Variants in SAP130 observed in about 807,000 individuals in gnomAD.
SAP130 encodes the protein histone deacetylase complex subunit SAP130.
SAP130 carries 16 observed loss-of-function variants against 103.2 expected under a neutral mutation model. The observed-to-expected ratio is 0.16, with a 90% confidence interval of 0.10 to 0.24. SAP130 has a LOEUF of 0.24. Ranked by LOEUF, SAP130 falls within the 10% of genes least tolerant of loss-of-function variation. The pLI is 1.00. For missense variants in SAP130, 990 were observed against 1,359.7 expected, an observed-to-expected ratio of 0.73 and a Z score of 4.28; for synonymous variants, 477 against 497.0, an observed-to-expected ratio of 0.96 and a Z score of 0.53.
chr2:127,964,814 T>C (rs550360709), intron 15 of SAP130, among the ~76,000 whole-genome samples: 1 of 151,692 alleles, frequency 6.6e-6, no homozygotes, highest in Non-Finnish European at 1.5e-5. Flanking sequence ...CTGGCCAACA[T>C]GGTGAAACCC....
chr2:128,023,637 G>A (rs1047679602), intron 2 of SAP130, among the ~76,000 whole-genome samples: 11 of 152,008 alleles, frequency 7.2e-5, no homozygotes, highest in African/African-American at 2.2e-4. Flanking sequence ...AAAATTAGCC[G>A]GGCACGGTGG....
chr2:128,018,462 G>A (rs1183302591), intron 2 of SAP130, among the ~76,000 whole-genome samples: 1 of 139,642 alleles, frequency 7.2e-6, no homozygotes, highest in African/African-American at 2.9e-5. Flanking sequence ...TCTAGCCTGG[G>A]CGAGAGAGGA....
At chr2:127,975,369 C>T (rs1175047893) in intron 15 of SAP130, among the ~76,000 whole-genome samples, 3 of 152,036 alleles carry the variant, frequency 2.0e-5, no homozygotes, top group Non-Finnish European at 4.4e-5. Flanking sequence ...TTGAAGATTT[C>T]AAAATGGCCC....
chr2:128,025,692 A>G (rs1467355693), intron 2 of SAP130, among the ~76,000 whole-genome samples: 1 of 152,192 alleles, frequency 6.6e-6, no homozygotes, highest in Non-Finnish European at 1.5e-5. Context: ...AGGTATAGGT[A>G]ATATGCAAAC....
intron 6 of SAP130, among the ~76,000 whole-genome samples, chr2:128,012,260 A>T (rs1475611522): frequency 6.6e-6 from 1 of 152,184 alleles, no homozygotes; most frequent in Non-Finnish European, 1.5e-5. Context: ...ACTTGAGGTC[A>T]GGAGTTCGAG....
At position 128,017,917 on chromosome 2, in the gene SAP130, TAGTA is replaced by T. The variant is rs751960205; in HGVS notation, c.113-6_113-3del. On this transcript the variant is annotated splice_polypyrimidine_tract_variant and splice_region_variant and intron_variant, in intron 2 of 20. Transcript: ENST00000643581. ...AATCTCGACCAGATTCATCATTGAC[TAGTA>T]AAGACATTAAGAGTGAGACAGTATG... is the stretch of plus-strand genomic sequence containing the variant. The T allele has an allele frequency of 6.2e-7, 1 of 1,611,848 alleles. No homozygotes were observed. The highest frequency in any genetic ancestry group is 8.5e-7 in the Non-Finnish European group (1 of 1,178,068).
At chr2:127,993,385 C>T (rs1359949451) in intron 11 of SAP130, 77 bp from the exon 12 acceptor site, 36 of 1,452,736 alleles carry the variant, frequency 2.5e-5, no homozygotes, top group Non-Finnish European at 3.3e-5. Flanking sequence ...ACCCCAGTTC[C>T]TCTTTGTGTC....
At chr2:128,000,530 A>G in intron 7 of SAP130, 76 bp from the exon 8 acceptor site, 2 of 1,533,210 alleles carry the variant, frequency 1.3e-6, no homozygotes, top group Non-Finnish European at 8.9e-7. Context: ...CATGCAAGTT[A>G]TACTTTTTCA....
At chr2:127,990,607 G>T (rs1682722396) in intron 12 of SAP130, among the ~76,000 whole-genome samples, 1 of 152,092 alleles carries the variant, frequency 6.6e-6, no homozygotes, top group Non-Finnish European at 1.5e-5. Flanking sequence ...GGCATAGTGG[G>T]TCACTCACAC....
chr2:127,955,234 G>A lies in SAP130; in HGVS notation c.2174C>T (p.Thr725Ile). ...AATGGTCGGTGGGGGCTGCTGGGCA[G>A]TTGGAGGGACGGCAATGGTAGGCTG... ...NDQPTIAVPP[T>I]AQQPPPTIPT... Residue 725 changes from threonine (T) to isoleucine (I), a missense_variant, in exon 16 of 21, where the codon ACT becomes ATT. Thr to Ile is a moderately conservative substitution (Grantham distance 89). This residue lies in a region of SAP130 where 349 missense variants were observed against 384.1 expected (regional missense o/e 0.91). Coordinates refer to ENST00000643581, the MANE Select transcript of SAP130 (RefSeq NM_001330301.2). This position sits in a 1 kb window ranked among gnomAD's most constrained non-coding sequence, Gnocchi z 4.9. 4 of 1,614,136 alleles carry A rather than the reference G, an allele frequency of 2.5e-6. No individual in the cohort carries two copies. The highest frequency in any genetic ancestry group is 3.4e-6 in the Non-Finnish European group (4 of 1,180,008).
At chr2:127,962,240 GCT>G (rs1174774654) in intron 15 of SAP130, among the ~76,000 whole-genome samples, 1 of 152,130 alleles carries the variant, frequency 6.6e-6, no homozygotes, top group East Asian at 1.9e-4. Flanking sequence ...GTCTCAGTGT[GCT>G]CTCAGTTGCT....
intron 19 of SAP130, among the ~76,000 whole-genome samples, chr2:127,943,629 C>T (rs1459365625): frequency 2.6e-5 from 4 of 152,194 alleles, no homozygotes; most frequent in Non-Finnish European, 5.9e-5. Context: ...CTAAACGTAT[C>T]TATACATAGA....
chr2:128,003,912 T>C (rs1204912584), intron 7 of SAP130, among the ~76,000 whole-genome samples: 2 of 150,888 alleles, frequency 1.3e-5, no homozygotes, highest in East Asian at 1.9e-4. Flanking sequence ...ATATTACGGA[T>C]TTTGGTTTAG....
intron 4 of SAP130, among the ~76,000 whole-genome samples, chr2:128,015,983 G>A (rs962167752): frequency 2.0e-5 from 3 of 151,198 alleles, no homozygotes; most frequent in Admixed American, 2.0e-4. Flanking sequence ...AGCTGCTTGA[G>A]GTAACCTATC....
intron 15 of SAP130, among the ~76,000 whole-genome samples, chr2:127,967,112 G>A (rs1680711040): frequency 6.6e-6 from 1 of 152,162 alleles, no homozygotes; most frequent in Non-Finnish European, 1.5e-5. Flanking sequence ...AAAGAACTTG[G>A]AGAAATGAGC....
Position 127,941,872 on chromosome 2 carries a change from C to T in SAP130, c.*134G>A, listed in dbSNP as rs894552496. ...TTCACGCCCTTGGATGTCATGGGTTCCTCTGCTTTCACACGGGAACTAAGG... is the reference window on the plus strand; with the variant it reads ...TTCACGCCCTTGGATGTCATGGGTTTCTCTGCTTTCACACGGGAACTAAGG... On this transcript the variant is annotated 3_prime_UTR_variant, in exon 21 of 21. Transcript: ENST00000643581. The T allele has an allele frequency of 5.1e-5, 41 of 805,934 alleles. 1 individual carries two copies. Among genetic ancestry groups the T allele is most frequent in the Non-Finnish European group, 5.8e-5 (29 of 501,200 alleles). The allele number at this position is 805,934 out of a possible 1,614,324, so 49.9% of individuals were successfully genotyped here. A position where few individuals can be genotyped will look rare whatever the true frequency, so the allele number is the denominator to read the frequency against.
intron 6 of SAP130, among the ~76,000 whole-genome samples, chr2:128,012,763 T>C (rs952927986): frequency 4.0e-5 from 6 of 151,796 alleles, no homozygotes; most frequent in Non-Finnish European, 7.4e-5. Context: ...TCTACAACCA[T>C]CACTCCCTTC....
At chr2:127,977,151 T>C (rs1681520035) in intron 15 of SAP130, among the ~76,000 whole-genome samples, 2 of 152,068 alleles carry the variant, frequency 1.3e-5, no homozygotes, top group African/African-American at 4.8e-5. Context: ...CTAATTACTT[T>C]TTCCAGTATA....
intron 14 of SAP130, among the ~76,000 whole-genome samples, chr2:127,979,908 C>T (rs907623296): frequency 2.7e-5 from 4 of 149,812 alleles, no homozygotes; most frequent in African/African-American, 9.8e-5. Context: ...GACAGAGTCT[C>T]GCTCTGTTGT....
Sources: gnomAD v4.1 joint callset for allele counts (sites outside exome capture counted in the v4.1 genomes callset) on GRCh38, gnomAD v4.1.1 for gene constraint, gnomAD v4.1.1 regional missense constraint, Gnocchi (gnomAD v3.1) non-coding constraint, MANE v1.5 for transcripts, NCBI Gene and HGNC (gene_info 2026-07-23, HGNC 2026-07-21) for gene names.